GRM3: variants seen among roughly 807,000 people sequenced by gnomAD.
The protein encoded by GRM3 is glutamate metabotropic receptor 3, also known as metabotropic glutamate receptor 3.
A neutral mutation model predicts 70.5 loss-of-function variants in GRM3; 26 were observed. The ratio of observed to expected loss-of-function variants is 0.37; its 90% CI spans 0.27 to 0.51. The LOEUF is 0.51. Among genes scored for constraint, GRM3 ranks in the 20% least tolerant of loss-of-function variants. The probability of loss-of-function intolerance (pLI) is 0.93; values close to 1 mark genes in which losing one functional copy is unlikely to be tolerated. For synonymous variants in GRM3, 443 were observed against 434.9 expected (o/e 1.02, Z -0.23); for missense variants, 859 against 1,123.8 (o/e 0.76, Z 3.37).
At chr7:86,728,181 C>G (rs1795636849) in intron 1 of GRM3, among the ~76,000 whole-genome samples, 2 of 152,128 alleles carry the variant, frequency 1.3e-5, no homozygotes, top group South Asian at 2.1e-4. Flanking sequence ...ATTGCTTAGT[C>G]TCCTACAACA....
intron 1 of GRM3, among the ~76,000 whole-genome samples, chr7:86,726,739 A>T (rs1372945208): frequency 2.0e-5 from 3 of 152,222 alleles, no homozygotes; most frequent in Non-Finnish European, 1.5e-5. Flanking sequence ...ACTTCTTTAA[A>T]GTCCCATTAA....
intron 3 of GRM3, among the ~76,000 whole-genome samples, chr7:86,830,011 G>C (rs1330297852): frequency 6.6e-6 from 1 of 152,160 alleles, no homozygotes; most frequent in Non-Finnish European, 1.5e-5. Context: ...TTATATACAA[G>C]AGTCTTCAAG....
intron 1 of GRM3, among the ~76,000 whole-genome samples, chr7:86,745,943 A>C (rs1310501774): frequency 6.7e-6 from 1 of 149,476 alleles, no homozygotes; most frequent in African/African-American, 2.4e-5. Flanking sequence ...TATTTGTTTT[A>C]ATGAGTTAAT....
At chr7:86,665,032 T>C (rs910761126) in intron 1 of GRM3, among the ~76,000 whole-genome samples, 3 of 152,082 alleles carry the variant, frequency 2.0e-5, no homozygotes, top group African/African-American at 7.2e-5. Context: ...ACAATAATTT[T>C]ATTCTAGCTA....
chr7:86,746,341 T>TTATATATATATATATATA (rs59930404), intron 1 of GRM3, among the ~76,000 whole-genome samples: 62 of 87,396 alleles, frequency 7.1e-4, no homozygotes, highest in South Asian at 1.3e-3. Flanking sequence ...CAGTCATGTA[T>TTATATATATATATATATA]TATATATATA....
intron 3 of GRM3, among the ~76,000 whole-genome samples, chr7:86,812,150 C>A (rs1023533786): frequency 6.6e-6 from 1 of 151,630 alleles, no homozygotes; most frequent in Non-Finnish European, 1.5e-5. Flanking sequence ...TTATGTACCC[C>A]ATTATGAGAG....
At chr7:86,853,003 AAAT>A (rs1445425030) in intron 5 of GRM3, among the ~76,000 whole-genome samples, 1 of 152,190 alleles carries the variant, frequency 6.6e-6, no homozygotes, top group Non-Finnish European at 1.5e-5. Flanking sequence ...TTCATTCATT[AAAT>A]TATTGAGTAC....
At chr7:86,767,804 G>A (rs534186911) in intron 2 of GRM3, among the ~76,000 whole-genome samples, 1 of 151,808 alleles carries the variant, frequency 6.6e-6, no homozygotes, top group Admixed American at 6.6e-5. Context: ...CCTGCAAATG[G>A]CCTTTTTACA....
intron 3 of GRM3, among the ~76,000 whole-genome samples, chr7:86,828,111 C>CA (rs55645713): frequency 0.017 from 1,171 of 68,270 alleles, 53 homozygotes; most frequent in East Asian, 0.032. Context: ...AACTCCGTAT[C>CA]AAAAAAAAAA....
chr7:86,673,688 C>T (rs1303504092), intron 1 of GRM3, among the ~76,000 whole-genome samples: 3 of 152,098 alleles, frequency 2.0e-5, no homozygotes, highest in Non-Finnish European at 2.9e-5. Flanking sequence ...CTATTCAAGA[C>T]ATTTCACCTG....
intron 1 of GRM3, among the ~76,000 whole-genome samples, chr7:86,739,279 C>T (rs1043611145): frequency 6.6e-6 from 1 of 152,146 alleles, no homozygotes; most frequent in African/African-American, 2.4e-5. Context: ...TCCCAGCCTA[C>T]AACAGGCCTC....
intron 1 of GRM3, among the ~76,000 whole-genome samples, chr7:86,669,429 CTT>C (rs1379706729): frequency 6.6e-6 from 1 of 152,158 alleles, no homozygotes; most frequent in Non-Finnish European, 1.5e-5. Flanking sequence ...AATCATGTCT[CTT>C]TTTCTGTGAC....
intron 1 of GRM3, among the ~76,000 whole-genome samples, chr7:86,715,075 G>T (rs1239602415): frequency 6.6e-6 from 1 of 151,922 alleles, no homozygotes; most frequent in Non-Finnish European, 1.5e-5. Context: ...TCATTGGTCA[G>T]AAATGGCTAA....
intron 1 of GRM3, among the ~76,000 whole-genome samples, chr7:86,692,119 T>A (rs1165308673): frequency 2.0e-5 from 3 of 152,136 alleles, no homozygotes; most frequent in African/African-American, 7.2e-5. Context: ...ACCTAGAGAA[T>A]TAAATAATCC....
intron 2 of GRM3, among the ~76,000 whole-genome samples, chr7:86,772,918 A>G (rs1003889419): frequency 6.6e-6 from 1 of 151,788 alleles, no homozygotes; most frequent in African/African-American, 2.4e-5. Flanking sequence ...AGTGATTAAA[A>G]CTCTGTGCAG....
At position 86,790,923 on chromosome 7, in the gene GRM3, TC is replaced by T. The variant is rs368253720; in HGVS notation, c.1324+3808del. Among the ~76,000 whole-genome samples, 683 of 152,220 alleles carry T rather than the reference TC, an allele frequency of 4.5e-3. 16 individuals carry two copies. The highest frequency in any genetic ancestry group is 0.041 in the East Asian group (213 of 5,182). On this transcript the variant is annotated intron_variant, in intron 3 of 5. Transcript: ENST00000361669. ...GTACCCTGCTCTACCTTTTGTTTTT[TC>T]ACCCCATGACATTTTCCCCTTCTGT...
intron 4 of GRM3, among the ~76,000 whole-genome samples, chr7:86,846,654 G>A (rs1227563861): frequency 6.6e-6 from 1 of 152,170 alleles, no homozygotes; most frequent in Admixed American, 6.6e-5. Context: ...CATAATTCCT[G>A]TTCCTCAAAC....
At chr7:86,703,007 G>C (rs990100521) in intron 1 of GRM3, among the ~76,000 whole-genome samples, 2 of 151,906 alleles carry the variant, frequency 1.3e-5, no homozygotes, top group African/African-American at 4.8e-5. Flanking sequence ...AATAATCCTA[G>C]AAATGAAGTT....
intron 1 of GRM3, among the ~76,000 whole-genome samples, chr7:86,752,818 T>C (rs978861819): frequency 6.6e-6 from 1 of 152,060 alleles, no homozygotes; most frequent in Non-Finnish European, 1.5e-5. Context: ...AATGTCCTAG[T>C]CCAGATTGAC....
Sources: allele counts gnomAD v4.1 joint callset (sites outside exome capture counted in the v4.1 genomes callset), GRCh38; gene constraint gnomAD v4.1.1; transcripts MANE v1.5; gene names NCBI Gene and HGNC (gene_info 2026-07-23, HGNC 2026-07-21).